Variants in WHAMM observed in about 807,000 individuals in gnomAD.
The protein encoded by WHAMM is WASP homolog associated with actin, golgi membranes and microtubules, also known as WASP homolog-associated protein with actin, membranes and microtubules.
Under a neutral mutation model 76.5 loss-of-function variants are expected in WHAMM, and 67 were observed. The ratio of observed to expected loss-of-function variants is 0.88; its 90% CI spans 0.72 to 1.07. The LOEUF is 1.07. WHAMM is among the 50% of genes least tolerant of loss of function. The probability of loss-of-function intolerance (pLI) is 0.00; values close to 1 mark genes in which losing one functional copy is unlikely to be tolerated. For synonymous variants in WHAMM, 419 were observed against 422.1 expected, an observed-to-expected ratio of 0.99 and a Z score of 0.09; for missense variants, 1,021 against 1,051.1, an observed-to-expected ratio of 0.97 and a Z score of 0.40.
At chr15:82,828,653 A>G (rs1452745273) in intron 8 of WHAMM, among the ~76,000 whole-genome samples, 5 of 152,234 alleles carry the variant, frequency 3.3e-5, no homozygotes, top group Non-Finnish European at 7.3e-5. Flanking sequence ...TGTGTGGGTG[A>G]TATGAAAATG....
intron 3 of WHAMM, among the ~76,000 whole-genome samples, chr15:82,817,614 C>G (rs569475061): frequency 6.6e-6 from 1 of 152,046 alleles, no homozygotes; most frequent in Non-Finnish European, 1.5e-5. Flanking sequence ...TGTGGTCAAA[C>G]TATCCATATG....
At position 82,829,575 on chromosome 15, in the gene WHAMM, C is replaced by T. The variant is rs771643174; in HGVS notation, c.1642-1024C>T. On this transcript the variant is annotated intron_variant, in intron 8 of 9. Coordinates refer to ENST00000286760, the MANE Select transcript of WHAMM (RefSeq NM_001080435.3). ...GCATCAGGGAGGTTTGGGGGCTTGTCGCCATGACATTGCTATTTGTCCTGA... is the reference window on the plus strand; with the variant it reads ...GCATCAGGGAGGTTTGGGGGCTTGTTGCCATGACATTGCTATTTGTCCTGA... Among the ~76,000 whole-genome samples, 4 of 152,118 alleles carry T rather than the reference C, an allele frequency of 2.6e-5. No homozygotes were observed. The East Asian group carries it at 5.8e-4, about 22-fold the overall frequency.
At chr15:82,833,164 G>A in intron 9 of WHAMM, 65 bp from the exon 10 acceptor site, 1 of 1,494,340 alleles carries the variant, frequency 6.7e-7, no homozygotes, top group Non-Finnish European at 9.0e-7. Flanking sequence ...CAATTTCATA[G>A]CAGTAATGTC....
chr15:82,822,906 A>G (rs533354746), intron 5 of WHAMM, among the ~76,000 whole-genome samples, 194 bp from the exon 6 acceptor site: 141 of 113,088 alleles, frequency 1.2e-3, no homozygotes, highest in African/African-American at 4.9e-3. Flanking sequence ...CATGCTACTT[A>G]CATACATGTA....
At chr15:82,816,531 C>T (rs1373517999) in intron 2 of WHAMM, among the ~76,000 whole-genome samples, 161 bp from the exon 3 acceptor site, 4 of 152,080 alleles carry the variant, frequency 2.6e-5, no homozygotes, top group Non-Finnish European at 5.9e-5. Flanking sequence ...CAGCTTAGAG[C>T]CTTATTCATA....
At position 82,833,435 on chromosome 15, in the gene WHAMM, C is replaced by G. The variant is rs754906676; in HGVS notation, c.2329C>G (p.Leu777Val). ...KPTSNRRTSD[L>V]ERSIKAALQR... ...AACCAGCAACAGACGCACCAGTGACCTTGAGAGGAGCATCAAGGCTGCGCT... is the reference window on the plus strand; with the variant it reads ...AACCAGCAACAGACGCACCAGTGACGTTGAGAGGAGCATCAAGGCTGCGCT... The change falls in exon 10 of 10, where the codon CTT (leucine) becomes GTT (valine). Residue 777 changes from leucine to valine, a missense_variant. Leu to Val is a conservative substitution (Grantham distance 32, BLOSUM62 1). Transcript: ENST00000286760. 1.9e-6 allele frequency: 3 copies of G among 1,614,034 alleles called. No homozygotes were observed. The highest frequency in any genetic ancestry group is 2.2e-5 in the South Asian group (2 of 91,080).
At chr15:82,821,222 C>T (rs568355108) in intron 5 of WHAMM, among the ~76,000 whole-genome samples, 50 of 152,190 alleles carry the variant, frequency 3.3e-4, no homozygotes, top group African/African-American at 1.2e-3. Context: ...TTTGTGTTTT[C>T]TTGCCTTTCA....
rs1428814087 is a variant in WHAMM, at chr15:82,834,337, ATGC to A, written c.*804_*806del. ...AGGCATGAGCCACCGTGCCTGGCTG[ATGC>A]TGGAGCTTTTATGTGACATGGTGAC... On this transcript the variant is annotated 3_prime_UTR_variant, in exon 10 of 10. Transcript: ENST00000286760. The A allele has an allele frequency of 2.0e-5, 3 of 152,522 alleles. No homozygotes were observed. The highest frequency in any genetic ancestry group is 4.1e-4 in the South Asian group (2 of 4,828). The allele number at this position is 152,522 out of a possible 1,614,324, so 9.4% of individuals were successfully genotyped here. A position where few individuals can be genotyped will look rare whatever the true frequency, so the allele number is the denominator to read the frequency against.
intron 9 of WHAMM, 89 bp from the exon 10 acceptor site, chr15:82,833,140 G>C: frequency 7.3e-7 from 1 of 1,377,978 alleles, no homozygotes; most frequent in Admixed American, 2.2e-5. Context: ...GGTGTTAACT[G>C]ATAGGAGATT....
At chr15:82,817,210 A>G (rs779489643) in intron 3 of WHAMM, among the ~76,000 whole-genome samples, 1 of 152,196 alleles carries the variant, frequency 6.6e-6, no homozygotes, top group Non-Finnish European at 1.5e-5. Context: ...AGTGAGGAGT[A>G]TTCCGGGCAG....
In WHAMM at chr15:82,834,512, AAAG is replaced by A. The variant is rs1428191927; in HGVS notation, c.*980_*982del. 3 of 152,686 alleles carry A rather than the reference AAAG, an allele frequency of 2.0e-5. No individual in the cohort carries two copies. Among genetic ancestry groups the A allele is most frequent in the South Asian group, 2.1e-4 (1 of 4,834 alleles). The allele number at this position is 152,686 out of a possible 1,614,324, so 9.5% of individuals were successfully genotyped here. ...GATCTAGAATTGTTCCCTGATTCTG[AAAG>A]AAGTTTACACTACACTGGTAAGCAG... is the stretch of plus-strand genomic sequence containing the variant. On this transcript the variant is annotated 3_prime_UTR_variant, in exon 10 of 10. Coordinates refer to ENST00000286760, the MANE Select transcript of WHAMM (RefSeq NM_001080435.3).
intron 1 of WHAMM, among the ~76,000 whole-genome samples, chr15:82,812,375 C>T (rs2050642915): frequency 6.6e-6 from 1 of 152,082 alleles, no homozygotes; most frequent in Admixed American, 6.5e-5. Context: ...ACTGCAGGCG[C>T]CCGCCACCAC....
chr15:82,810,373 C>T, intron 1 of WHAMM, 38 bp downstream of exon 1: 1 of 1,291,042 alleles, frequency 7.7e-7, no homozygotes, highest in Non-Finnish European at 9.8e-7. Flanking sequence ...GTCCGCGCTT[C>T]CATGGCCTGG....
In WHAMM at chr15:82,830,924, C is replaced by CCCCTCCTCT; in HGVS notation, c.1970_1978dup (p.Pro657_Leu659dup). 3.1e-6 allele frequency: 5 copies of CCCCTCCTCT among 1,606,868 alleles called. No individual in the cohort carries two copies. The highest frequency in any genetic ancestry group is 3.3e-4 in the Middle Eastern group (2 of 6,044). On this transcript the variant is annotated inframe_insertion, in exon 9 of 10. Coordinates refer to ENST00000286760, the MANE Select transcript of WHAMM (RefSeq NM_001080435.3). ...CCACCGCCGCCACCGCCGCCCCCAC[C>CCCCTCCTCT]CCCTCCTCTCCGTGCTCTGTCCTCA...
chr15:82,828,932 G>T (rs1411733973), intron 8 of WHAMM, among the ~76,000 whole-genome samples: 1 of 152,196 alleles, frequency 6.6e-6, no homozygotes, highest in Non-Finnish European at 1.5e-5. Context: ...CTTTTGGGAT[G>T]TATGGACAGC....
At chr15:82,823,861 T>C (rs2050881615) in intron 6 of WHAMM, among the ~76,000 whole-genome samples, 1 of 152,092 alleles carries the variant, frequency 6.6e-6, no homozygotes, top group South Asian at 2.1e-4. Context: ...CCACCACCCC[T>C]GGACCACAGT....
chr15:82,831,362 A>C (rs180896658), intron 9 of WHAMM, among the ~76,000 whole-genome samples: 2 of 152,198 alleles, frequency 1.3e-5, no homozygotes, highest in African/African-American at 4.8e-5. Context: ...TAAAGTATCA[A>C]CCTATTTGAA....
intron 5 of WHAMM, among the ~76,000 whole-genome samples, chr15:82,820,961 T>C (rs935947134): frequency 1.3e-5 from 2 of 151,906 alleles, no homozygotes; most frequent in African/African-American, 4.8e-5. Flanking sequence ...AGTGTGTATG[T>C]TTCCCAGACT....
rs1469956707 is a variant in WHAMM, at chr15:82,833,603, GA to G, written c.*71del. ...AAAGTGGGTGAGTCTTAGACCTATC[GA>G]AAAGCATACTAACAGGGTGCTGATA... On this transcript the variant is annotated 3_prime_UTR_variant, in exon 10 of 10. Transcript: ENST00000286760. 1.1e-5 allele frequency: 17 copies of G among 1,525,394 alleles called. No individual in the cohort carries two copies. The highest frequency in any genetic ancestry group is 1.5e-5 in the Non-Finnish European group (17 of 1,131,718). 94.5% of individuals were successfully genotyped at this position (1,525,394 alleles called of 1,614,324 possible).
Sources: gnomAD v4.1 joint callset for allele counts (sites outside exome capture counted in the v4.1 genomes callset) on GRCh38, gnomAD v4.1.1 for gene constraint, MANE v1.5 for transcripts, NCBI Gene and HGNC (gene_info 2026-07-23, HGNC 2026-07-21) for gene names.